ENPP3: variants seen among roughly 807,000 people sequenced by gnomAD.
ENPP3 encodes the protein ectonucleotide pyrophosphatase/phosphodiesterase 3.
In ENPP3, 104 loss-of-function variants were observed where a neutral mutation model predicts 117.8. The ratio of observed to expected loss-of-function variants is 0.88; its 90% CI spans 0.75 to 1.04. ENPP3 has a LOEUF of 1.04. ENPP3 is among the 50% of genes least tolerant of loss of function. The pLI, the probability that ENPP3 is intolerant of heterozygous loss-of-function variation, is 0.00. For synonymous variants in ENPP3, 380 were observed against 349.9 expected, an observed-to-expected ratio of 1.09 and a Z score of -0.96; for missense variants, 1,026 against 1,051.9, an observed-to-expected ratio of 0.98 and a Z score of 0.34.
intron 11 of ENPP3, among the ~76,000 whole-genome samples, chr6:131,679,653 G>C (rs1337051640): frequency 6.6e-6 from 1 of 151,952 alleles, no homozygotes; most frequent in African/African-American, 2.4e-5. Flanking sequence ...TCTAGAGTAG[G>C]GTGCAAATTT....
chr6:131,647,164 G>A (rs1221105245), intron 2 of ENPP3, among the ~76,000 whole-genome samples: 1 of 151,988 alleles, frequency 6.6e-6, no homozygotes, highest in African/African-American at 2.4e-5. Flanking sequence ...ATGAGCCACT[G>A]CACCAGGCCT....
intron 1 of ENPP3, among the ~76,000 whole-genome samples, chr6:131,639,745 A>G (rs1778003390): frequency 6.6e-6 from 1 of 152,168 alleles, no homozygotes; most frequent in African/African-American, 2.4e-5. Flanking sequence ...TGCACAGTGT[A>G]ACATAGTTTA....
intron 15 of ENPP3, among the ~76,000 whole-genome samples, chr6:131,706,720 TAACA>T (rs1779645821): frequency 6.6e-6 from 1 of 150,416 alleles, no homozygotes; most frequent in Admixed American, 6.6e-5. Context: ...TTTTGTTTGT[TAACA>T]TGGTGGATTA....
At position 131,697,354 on chromosome 6, in the gene ENPP3, T is replaced by A. The variant is rs988158942; in HGVS notation, c.1412+3730T>A. ...CTTCAAGATGCTACATGGACGAGGA[T>A]GGTCTAGCGCAGTGGTCCCCAACCC... On this transcript the variant is annotated intron_variant, in intron 15 of 24. Transcript: ENST00000357639. 5.1e-5 allele frequency among the ~76,000 whole-genome samples: 7 copies of A among 135,994 alleles called. 1 individual carries two copies. Among genetic ancestry groups the A allele is most frequent in the Admixed American group, 4.1e-4 (5 of 12,142 alleles). The allele number at this position is 135,994 out of a possible 152,430, so 89.2% of individuals were successfully genotyped here.
At chr6:131,667,513 T>G (rs891202929) in intron 6 of ENPP3, among the ~76,000 whole-genome samples, 5 of 152,226 alleles carry the variant, frequency 3.3e-5, no homozygotes, top group Non-Finnish European at 7.3e-5. Context: ...GTCTCATCTC[T>G]TCTAACTCAA....
At chr6:131,728,155 G>A (rs117783467) in intron 20 of ENPP3, among the ~76,000 whole-genome samples, 1,662 of 152,194 alleles carry the variant, frequency 0.011, 12 homozygotes, top group South Asian at 0.03. Context: ...TGTTCAGTTC[G>A]TGATTTTCTT....
chr6:131,658,153 C>CAA (rs199850108), intron 5 of ENPP3, among the ~76,000 whole-genome samples, 170 bp from the exon 6 acceptor site: 2 of 83,758 alleles, frequency 2.4e-5, no homozygotes, highest in African/African-American at 4.3e-5. Context: ...AACTGTGTCT[C>CAA]AAAAAAAAAA....
chr6:131,644,038 T>TTCCA (rs573535243), intron 2 of ENPP3, among the ~76,000 whole-genome samples: 7 of 151,524 alleles, frequency 4.6e-5, no homozygotes, highest in Non-Finnish European at 1.0e-4. Flanking sequence ...GGGAGGAACA[T>TTCCA]TCCAGGTCAG....
chr6:131,641,389 G>A, intron 1 of ENPP3, 66 bp from the exon 2 acceptor site: 1 of 970,338 alleles, frequency 1.0e-6, no homozygotes, highest in Non-Finnish European at 1.6e-6. Context: ...CTGAGAAAGG[G>A]TGGTTATTTG....
At chr6:131,694,409 T>C (rs73552698) in intron 15 of ENPP3, among the ~76,000 whole-genome samples, 3,151 of 152,348 alleles carry the variant, frequency 0.021, 104 homozygotes, top group African/African-American at 0.073. Context: ...TGATAATTCC[T>C]ATTTTTGTAT....
intron 2 of ENPP3, among the ~76,000 whole-genome samples, chr6:131,642,137 C>T (rs1258876449): frequency 6.6e-6 from 1 of 152,020 alleles, no homozygotes; most frequent in Non-Finnish European, 1.5e-5. Flanking sequence ...GGATCACAGC[C>T]TTTTCATTCT....
At chr6:131,687,626 T>C (rs1056420991) in intron 14 of ENPP3, among the ~76,000 whole-genome samples, 5 of 152,112 alleles carry the variant, frequency 3.3e-5, no homozygotes, top group Non-Finnish European at 7.3e-5. Context: ...ATCCAGAATC[T>C]ATAGGGAATT....
intron 15 of ENPP3, among the ~76,000 whole-genome samples, chr6:131,717,136 C>T (rs903938426): frequency 6.6e-6 from 1 of 152,114 alleles, no homozygotes; most frequent in African/African-American, 2.4e-5. Context: ...CTTACCTGGC[C>T]TCTCTTTTCT....
At chr6:131,730,613 T>C (rs898480807) in intron 20 of ENPP3, among the ~76,000 whole-genome samples, 3 of 152,202 alleles carry the variant, frequency 2.0e-5, no homozygotes, top group Non-Finnish European at 4.4e-5. Context: ...GAAATAATTT[T>C]TCTTCAAAAT....
intron 14 of ENPP3, among the ~76,000 whole-genome samples, chr6:131,690,133 A>G (rs1779244674): frequency 6.6e-6 from 1 of 152,238 alleles, no homozygotes; most frequent in Non-Finnish European, 1.5e-5. Flanking sequence ...AAGGATTTAA[A>G]TTATTCCATA....
chr6:131,678,997 C>G lies in ENPP3; in HGVS notation c.1011+1057C>G, dbSNP rs373096624. Among the ~76,000 whole-genome samples the G allele has an allele frequency of 4.7e-3, 414 of 89,016 alleles. 8 individuals carry two copies. The highest frequency in any genetic ancestry group is 6.8e-3 in the South Asian group (17 of 2,488). The allele number at this position is 89,016 out of a possible 152,430, so 58.4% of individuals were successfully genotyped here. A position where few individuals can be genotyped will look rare whatever the true frequency, so the allele number is the denominator to read the frequency against. On this transcript the variant is annotated intron_variant, in intron 11 of 24. Coordinates refer to ENST00000357639, the MANE Select transcript of ENPP3 (RefSeq NM_005021.5). The stretch of plus-strand genomic sequence containing the variant: ...TCCTTCCTTCCTTCCTTCCTTCCTT[C>G]CTTGCTTCCTTCCTTCCTTCCTTCC...
Position 131,740,260 on chromosome 6 carries a change from C to G in ENPP3, c.2337C>G (p.His779Gln). ...ACACTGATGTTCCCATCCCAACACACTACTTTGTGGTGCTGACCAGTTGTA... is the reference window on the plus strand; with the variant it reads ...ACACTGATGTTCCCATCCCAACACAGTACTTTGTGGTGCTGACCAGTTGTA... ...LANTDVPIPT[H>Q]YFVVLTSCKN... Residue 779 changes from histidine to glutamine, a missense_variant, in exon 24 of 25, where the codon CAC becomes CAG. His to Gln is a conservative substitution (Grantham distance 24). Coordinates refer to ENST00000357639, the MANE Select transcript of ENPP3 (RefSeq NM_005021.5). The G allele has an allele frequency of 6.2e-7, 1 of 1,611,520 alleles. No individual in the cohort carries two copies. The highest frequency in any genetic ancestry group is 8.5e-7 in the Non-Finnish European group (1 of 1,178,756).
chr6:131,639,265 AT>A (rs1554259595), intron 1 of ENPP3, among the ~76,000 whole-genome samples: 64 of 107,184 alleles, frequency 6.0e-4, no homozygotes, highest in South Asian at 1.7e-3. Flanking sequence ...ATATATATAT[AT>A]TTTTTTTTTT....
At chr6:131,746,109 T>A (rs2114592425) in intron 24 of ENPP3, among the ~76,000 whole-genome samples, 1 of 152,058 alleles carries the variant, frequency 6.6e-6, no homozygotes, top group Middle Eastern at 3.4e-3. Context: ...AAAATTTGAA[T>A]GTACTCTATG....
Sources: gnomAD v4.1 joint callset for allele counts (sites outside exome capture counted in the v4.1 genomes callset) on GRCh38, gnomAD v4.1.1 for gene constraint, MANE v1.5 for transcripts, NCBI Gene and HGNC (gene_info 2026-07-23, HGNC 2026-07-21) for gene names.